The following SNTG1 variants were observed in gnomAD, a reference collection of about 807,000 sequenced individuals.
SNTG1 encodes syntrophin gamma 1.
SNTG1 carries 39 observed loss-of-function variants against 74.7 expected under a neutral mutation model. The ratio of observed to expected loss-of-function variants is 0.52; its 90% CI spans 0.40 to 0.68. The LOEUF is 0.68. Ranked by LOEUF, SNTG1 falls within the 30% of genes least tolerant of loss-of-function variation. The pLI is 0.00. For synonymous variants in SNTG1, 254 were observed against 217.1 expected, an observed-to-expected ratio of 1.17 and a Z score of -1.49; for missense variants, 685 against 609.5, an observed-to-expected ratio of 1.12 and a Z score of -1.30.
rs2095696597 is a variant in SNTG1 at position 50,793,306 on chromosome 8, C to T, written c.*477C>T. ...AAACCATAAATCAGCAAGGAGCATG[C>T]AAAAAAATCTCATCAAAGAAGGATG... is the stretch of plus-strand genomic sequence containing the variant. On this transcript the variant is annotated 3_prime_UTR_variant, in exon 19 of 19. Transcript: ENST00000642720. The T allele has an allele frequency of 6.6e-6, 1 of 151,840 alleles. No homozygotes were observed. The highest frequency in any genetic ancestry group is 2.1e-4 in the South Asian group (1 of 4,832). The allele number at this position is 151,840 out of a possible 1,614,324, so 9.4% of individuals were successfully genotyped here.
intron 12 of SNTG1, among the ~76,000 whole-genome samples, chr8:50,560,074 T>C (rs2094478417): frequency 6.6e-6 from 1 of 152,076 alleles, no homozygotes; most frequent in South Asian, 2.1e-4. Context: ...AACAGACACT[T>C]CACAAAATAA....
At chr8:50,499,593 C>CT (rs929199417) in intron 8 of SNTG1, among the ~76,000 whole-genome samples, 19 of 151,526 alleles carry the variant, frequency 1.3e-4, no homozygotes, top group Non-Finnish European at 2.8e-4. Flanking sequence ...TGTGGACACT[C>CT]TTTTATTTTT....
chr8:50,660,268 G>A (rs1273913275), intron 15 of SNTG1, among the ~76,000 whole-genome samples: 1 of 143,598 alleles, frequency 7.0e-6, no homozygotes, highest in African/African-American at 2.9e-5. Flanking sequence ...GAAGGAGAGA[G>A]AGAGAGAAAG....
intron 17 of SNTG1, chr8:50,709,204 T>C (rs2095454440): frequency 1.9e-6 from 1 of 532,896 alleles, no homozygotes; most frequent in Non-Finnish European, 3.3e-6. Flanking sequence ...AAAGTATTTA[T>C]TTATAAGTCT....
intron 8 of SNTG1, among the ~76,000 whole-genome samples, chr8:50,485,611 T>G (rs1479566364): frequency 8.0e-5 from 12 of 149,494 alleles, no homozygotes; most frequent in Admixed American, 1.3e-4. Flanking sequence ...TTTCTCCCAT[T>G]TTGTAGGTTG....
chr8:50,580,928 T>A (rs1370067361), intron 12 of SNTG1, among the ~76,000 whole-genome samples: 2 of 152,120 alleles, frequency 1.3e-5, no homozygotes, highest in African/African-American at 4.8e-5. Context: ...AAGGACCTGA[T>A]ACAGAAGTGA....
chr8:50,237,471 T>A (rs2085966760), intron 2 of SNTG1, among the ~76,000 whole-genome samples: 1 of 152,200 alleles, frequency 6.6e-6, no homozygotes, highest in African/African-American at 2.4e-5. Context: ...TGAGATGACA[T>A]TCACTTATTC....
At chr8:50,580,003 C>T (rs1466120813) in intron 12 of SNTG1, among the ~76,000 whole-genome samples, 2 of 152,218 alleles carry the variant, frequency 1.3e-5, no homozygotes, top group African/African-American at 2.4e-5. Flanking sequence ...GGAACAGACA[C>T]TCAATGTCAG....
At chr8:50,215,674 G>A (rs1234576344) in intron 2 of SNTG1, among the ~76,000 whole-genome samples, 2 of 151,768 alleles carry the variant, frequency 1.3e-5, no homozygotes, top group African/African-American at 4.8e-5. Flanking sequence ...TGAACTCTAG[G>A]TACTCATCGA....
At chr8:50,641,655 C>T (rs539156553) in intron 13 of SNTG1, among the ~76,000 whole-genome samples, 2 of 152,194 alleles carry the variant, frequency 1.3e-5, no homozygotes, top group Non-Finnish European at 2.9e-5. Flanking sequence ...TTATCAACCC[C>T]ACAAATGAAC....
At chr8:50,712,282 C>T (rs923394287) in intron 17 of SNTG1, among the ~76,000 whole-genome samples, 7 of 151,986 alleles carry the variant, frequency 4.6e-5, no homozygotes, top group Non-Finnish European at 1.0e-4. Flanking sequence ...CTGTGGGTAT[C>T]TAAGAGCCAG....
At chr8:50,631,758 C>A (rs1019429898) in intron 13 of SNTG1, among the ~76,000 whole-genome samples, 2 of 152,104 alleles carry the variant, frequency 1.3e-5, no homozygotes, top group Admixed American at 6.6e-5. Flanking sequence ...GTGATTTGTT[C>A]TACAGAAAAG....
chr8:50,266,485 C>A, intron 2 of SNTG1, among the ~76,000 whole-genome samples: 1 of 151,426 alleles, frequency 6.6e-6, no homozygotes, highest in East Asian at 1.9e-4. Context: ...AAAAATCTTA[C>A]AGAGAAAATA....
chr8:50,438,833 T>C (rs1013486581), intron 5 of SNTG1, among the ~76,000 whole-genome samples: 18 of 152,324 alleles, frequency 1.2e-4, no homozygotes, highest in African/African-American at 4.1e-4. Context: ...TGAATTTAAC[T>C]CATTAACTTT....
At chr8:50,484,141 TTTCTTTCTTTCC>T (rs1554542598) in intron 8 of SNTG1, among the ~76,000 whole-genome samples, 1 of 92,786 alleles carries the variant, frequency 1.1e-5, no homozygotes, top group African/African-American at 3.8e-5. Flanking sequence ...TCTTTCCTTC[TTTCTTTCTTTCC>T]TTCCTTCCTT....
chr8:50,472,098 T>C, intron 8 of SNTG1, among the ~76,000 whole-genome samples: 1 of 152,254 alleles, frequency 6.6e-6, no homozygotes, highest in Non-Finnish European at 1.5e-5. Context: ...GGAGAGAATT[T>C]TTATTAATAC....
In SNTG1 at chr8:50,015,412, C is replaced by G. The variant is rs147472053; in HGVS notation, c.-103+103181C>G. On this transcript the variant is annotated intron_variant, in intron 1 of 18. Coordinates refer to ENST00000642720, the MANE Select transcript of SNTG1 (RefSeq NM_018967.5). ...GCCTCAGAGAAAAGTGAGACACTAT[C>G]AAGCATAATAGGTGTATACAGACAT... Among the ~76,000 whole-genome samples the G allele has an allele frequency of 1.6e-4, 25 of 151,958 alleles. No homozygotes were observed. In the East Asian group the frequency reaches 3.9e-3, roughly 24 times the overall value.
intron 1 of SNTG1, among the ~76,000 whole-genome samples, chr8:50,116,642 A>C (rs2080834897): frequency 6.6e-6 from 1 of 152,208 alleles, no homozygotes; most frequent in Admixed American, 6.5e-5. Context: ...GCCTACGTGA[A>C]GTTTTATAAT....
At chr8:50,436,586 G>A (rs1015871133) in intron 4 of SNTG1, among the ~76,000 whole-genome samples, 1 of 151,974 alleles carries the variant, frequency 6.6e-6, no homozygotes, top group Non-Finnish European at 1.5e-5. Context: ...TGAAAACAGA[G>A]GCTTATAAGT....
Sources: gnomAD v4.1 joint callset for allele counts (sites outside exome capture counted in the v4.1 genomes callset) on GRCh38, gnomAD v4.1.1 for gene constraint, MANE v1.5 for transcripts, NCBI Gene and HGNC (gene_info 2026-07-23, HGNC 2026-07-21) for gene names.